Variants in RYR3 observed in about 807,000 individuals in gnomAD.
RYR3 encodes brain ryanodine receptor-calcium release channel.
RYR3 carries 207 observed loss-of-function variants against 584.3 expected under a neutral mutation model. The observed-to-expected ratio is 0.35, with a 90% CI of 0.32 to 0.40. The LOEUF is 0.40. Ranked by LOEUF, RYR3 falls within the 10% of genes least tolerant of loss-of-function variation. RYR3 has a pLI of 1.00. For synonymous variants in RYR3, 2,416 were observed against 2,248.5 expected, an observed-to-expected ratio of 1.07 and a Z score of -2.11; for missense variants, 5,616 against 6,089.2, an observed-to-expected ratio of 0.92 and a Z score of 2.59.
At chr15:33,455,840 T>TAA (rs2047511913) in intron 1 of RYR3, among the ~76,000 whole-genome samples, 1 of 152,148 alleles carries the variant, frequency 6.6e-6, no homozygotes, top group East Asian at 1.9e-4. Flanking sequence ...AATCCCACAC[T>TAA]AAACATAATG....
chr15:33,483,815 T>C (rs2050178468), intron 2 of RYR3, among the ~76,000 whole-genome samples: 1 of 152,200 alleles, frequency 6.6e-6, no homozygotes, highest in Admixed American at 6.5e-5. Context: ...CTAACATTTC[T>C]CCTCTTCTAT....
intron 93 of RYR3, among the ~76,000 whole-genome samples, chr15:33,845,846 G>T (rs564135458): frequency 2.0e-5 from 3 of 152,206 alleles, no homozygotes; most frequent in Non-Finnish European, 4.4e-5. Flanking sequence ...ATCCATTGCT[G>T]CATAACAAAC....
intron 1 of RYR3, among the ~76,000 whole-genome samples, chr15:33,421,443 AT>A (rs2141611279): frequency 6.6e-6 from 1 of 152,316 alleles, no homozygotes; most frequent in East Asian, 1.9e-4. Context: ...AAGTAATCTA[AT>A]CTGTATGGTT....
rs2063286485 is a variant in RYR3, at chr15:33,663,448, AAGTCTC to A, written c.5419-85_5419-80del. 4.5e-6 allele frequency: 5 copies of A among 1,115,158 alleles called. No homozygotes were observed. The South Asian group carries it at 5.7e-5, about 13-fold the overall frequency. The allele number at this position is 1,115,158 out of a possible 1,614,324, so 69.1% of individuals were successfully genotyped here. On this transcript the variant is annotated intron_variant, in intron 35 of 103. Coordinates refer to ENST00000634891, the MANE Select transcript of RYR3 (RefSeq NM_001036.6). ...TACTGTGTGGCAATTTACTTTGTCT[AAGTCTC>A]AGTGCTACTGTCTGTAAAATGGGCA...
At chr15:33,860,924 T>C (rs1263318346) in intron 101 of RYR3, among the ~76,000 whole-genome samples, 154 bp from the exon 102 acceptor site, 1 of 120,700 alleles carries the variant, frequency 8.3e-6, no homozygotes, top group Non-Finnish European at 1.7e-5. Context: ...GAATGACTAA[T>C]AGCCAATGTA....
At position 33,838,872 on chromosome 15, in the gene RYR3, G is replaced by A; in HGVS notation, c.12892G>A (p.Val4298Met). 2 of 1,614,008 alleles carry A rather than the reference G, an allele frequency of 1.2e-6. No homozygotes were observed. The highest frequency in any genetic ancestry group is 1.7e-6 in the Non-Finnish European group (2 of 1,179,878). The change falls in exon 89 of 104, where the codon GTG (valine) becomes ATG (methionine). Residue 4298 changes from valine (V) to methionine (M), a missense_variant. By Grantham distance (21) the Val-to-Met change is conservative. Around this residue, in one of 9 missense-constraint regions of RYR3, gnomAD observed 918 missense variants for 887.4 expected, o/e 1.03. Transcript: ENST00000634891. ...GGGCAGCTTAAAGCATGGGCCTGAA[G>A]TGGGTTTGGGTGACCTCTCAGAAAT... ...KEGSLKHGPE[V>M]GLGDLSEIIG...
chr15:33,863,566 T>C (rs1567367284), intron 102 of RYR3, among the ~76,000 whole-genome samples: 1 of 152,218 alleles, frequency 6.6e-6, no homozygotes, highest in Non-Finnish European at 1.5e-5. Flanking sequence ...CCCCCTGGGA[T>C]ACTTATGTGT....
chr15:33,681,883 A>C (rs2152741774), intron 38 of RYR3, among the ~76,000 whole-genome samples: 1 of 152,312 alleles, frequency 6.6e-6, no homozygotes, highest in East Asian at 1.9e-4. Flanking sequence ...TGAGATCTGT[A>C]AGCTGCAGGG....
At chr15:33,798,263 A>AT (rs1596651534) in intron 67 of RYR3, among the ~76,000 whole-genome samples, 1 of 151,744 alleles carries the variant, frequency 6.6e-6, no homozygotes, top group East Asian at 1.9e-4. Context: ...TAATTTTTGT[A>AT]TTTTTTTAGT....
At chr15:33,428,538 T>A (rs2141695734) in intron 1 of RYR3, among the ~76,000 whole-genome samples, 1 of 152,334 alleles carries the variant, frequency 6.6e-6, no homozygotes, top group East Asian at 1.9e-4. Context: ...TATATCCATT[T>A]AAGGCAGCAT....
chr15:33,837,071 C>A, intron 88 of RYR3, 84 bp downstream of exon 88: 1 of 1,136,918 alleles, frequency 8.8e-7, no homozygotes, highest in African/African-American at 1.5e-5. Context: ...GATTATCCTT[C>A]TGGCAGGTCA....
Position 33,481,789 on chromosome 15 carries a change from C to CT in RYR3, c.171+8271dup, listed in dbSNP as rs59354808. ...GAGCCACCAGGCCTGGCCTTGAATA[C>CT]TTTTTTTTTTTTTTTTTTTTAGTAA... On this transcript the variant is annotated intron_variant, in intron 2 of 103. Transcript: ENST00000634891. 4.5e-3 allele frequency among the ~76,000 whole-genome samples: 633 copies of CT among 139,312 alleles called. 8 individuals carry two copies. The highest frequency in any genetic ancestry group is 0.016 in the Middle Eastern group (4 of 250). The allele number at this position is 139,312 out of a possible 152,430, so 91.4% of individuals were successfully genotyped here. A position where few individuals can be genotyped will look rare whatever the true frequency, so the allele number is the denominator to read the frequency against.
chr15:33,511,289 T>C (rs2052971552), intron 3 of RYR3, among the ~76,000 whole-genome samples: 1 of 136,320 alleles, frequency 7.3e-6, no homozygotes, highest in African/African-American at 2.8e-5. Context: ...GATAACAAAA[T>C]ATTTACCAGG....
intron 1 of RYR3, among the ~76,000 whole-genome samples, chr15:33,376,072 A>C (rs981960238): frequency 3.9e-5 from 6 of 152,280 alleles, no homozygotes; most frequent in Admixed American, 1.3e-4. Flanking sequence ...TCAAAAAACA[A>C]AAGATATAGA....
At position 33,670,474 on chromosome 15, in the gene RYR3, A is replaced by G. The variant is rs747171363; in HGVS notation, c.5778A>G (p.Lys1926=). ...EEEEDTSWTG[K]LCALVYKIKG... ...AGGAGGACACCTCCTGGACAGGAAA[A>G]CTCTGTGCCTTGGTTTACAAAATCA... Residue 1926 remains lysine (K), a synonymous_variant, in exon 38 of 104, where the codon AAA becomes AAG. Transcript: ENST00000634891. 1.9e-6 allele frequency: 3 copies of G among 1,611,206 alleles called. No individual in the cohort carries two copies. Among genetic ancestry groups the G allele is most frequent in the African/African-American group, 1.3e-5 (1 of 74,744 alleles).
At chr15:33,326,359 G>A (rs557001435) in intron 1 of RYR3, among the ~76,000 whole-genome samples, 1 of 152,338 alleles carries the variant, frequency 6.6e-6, no homozygotes, top group East Asian at 1.9e-4. Context: ...CTAGGGATTG[G>A]AGAAGATTTA....
At chr15:33,576,166 A>C (rs1052303202) in intron 12 of RYR3, among the ~76,000 whole-genome samples, 1 of 152,204 alleles carries the variant, frequency 6.6e-6, no homozygotes, top group Non-Finnish European at 1.5e-5. Flanking sequence ...TTAACAGCTG[A>C]ATTCTACCAG....
intron 43 of RYR3, among the ~76,000 whole-genome samples, chr15:33,717,024 A>G (rs895581698): frequency 2.0e-5 from 3 of 152,318 alleles, no homozygotes; most frequent in East Asian, 1.9e-4. Flanking sequence ...TATGGCATTC[A>G]AGTTTTATTT....
intron 62 of RYR3, among the ~76,000 whole-genome samples, chr15:33,770,143 C>T (rs531751632): frequency 3.5e-5 from 5 of 142,776 alleles, no homozygotes; most frequent in South Asian, 2.3e-4. Flanking sequence ...AAGAAAGAAA[C>T]GTCTTTATCA....
Sources: gnomAD v4.1 joint callset for allele counts (sites outside exome capture counted in the v4.1 genomes callset) on GRCh38, gnomAD v4.1.1 for gene constraint, gnomAD v4.1.1 regional missense constraint, MANE v1.5 for transcripts, NCBI Gene and HGNC (gene_info 2026-07-23, HGNC 2026-07-21) for gene names.